Variants in NCKAP5 observed in about 807,000 individuals in gnomAD.
NCKAP5 encodes the protein NCK associated protein 5, also known as nck-associated protein 5.
A neutral mutation model predicts 167.0 loss-of-function variants in NCKAP5; 92 were observed. That is an observed-to-expected ratio of 0.55 (90% CI 0.47 to 0.66). The LOEUF is 0.66. NCKAP5 is among the 30% of genes least tolerant of loss of function. The probability of loss-of-function intolerance (pLI) is 0.00; values close to 1 mark genes in which losing one functional copy is unlikely to be tolerated. For synonymous variants in NCKAP5, 891 were observed against 877.4 expected, an observed-to-expected ratio of 1.02 and a Z score of -0.27; for missense variants, 2,378 against 2,315.0, an observed-to-expected ratio of 1.03 and a Z score of -0.56.
At chr2:132,975,447 T>C (rs552330423) in intron 7 of NCKAP5, among the ~76,000 whole-genome samples, 3 of 152,316 alleles carry the variant, frequency 2.0e-5, no homozygotes, top group East Asian at 3.9e-4. Context: ...GGAGTTACAC[T>C]AATAAATTTT....
At position 133,052,247 on chromosome 2, in the gene NCKAP5, G is replaced by A. The variant is rs143623173; in HGVS notation, c.342-58008C>T. Among the ~76,000 whole-genome samples the A allele has an allele frequency of 2.3e-3, 346 of 152,176 alleles. 1 individual carries two copies. The highest frequency in any genetic ancestry group is 4.4e-3 in the Admixed American group (68 of 15,284). On this transcript the variant is annotated intron_variant, in intron 6 of 19. Transcript: ENST00000409261. ...TACAGTAGCCAAATTAGGAAACCAC[G>A]GACTATCATCACGTAACAGAACTCA...
At chr2:133,227,913 A>G (rs1479370193) in intron 4 of NCKAP5, among the ~76,000 whole-genome samples, 1 of 152,230 alleles carries the variant, frequency 6.6e-6, no homozygotes, top group African/African-American at 2.4e-5. Context: ...CTGAACCACC[A>G]AACTCTAGGA....
At chr2:133,470,794 C>CTT (rs1308537522) in intron 3 of NCKAP5, among the ~76,000 whole-genome samples, 1 of 152,238 alleles carries the variant, frequency 6.6e-6, no homozygotes, top group Non-Finnish European at 1.5e-5. Context: ...TCCGTCACCC[C>CTT]TTTCTTTGAC....
chr2:132,990,361 C>T (rs567741277), intron 7 of NCKAP5, among the ~76,000 whole-genome samples: 1 of 152,316 alleles, frequency 6.6e-6, no homozygotes, highest in African/African-American at 2.4e-5. Context: ...CAGGAAAAGA[C>T]CTGTGTCAGG....
At chr2:133,120,376 T>C (rs372575065) in intron 6 of NCKAP5, among the ~76,000 whole-genome samples, 2 of 152,210 alleles carry the variant, frequency 1.3e-5, no homozygotes, top group African/African-American at 4.8e-5. Context: ...TCCCAAAGAA[T>C]GGTTCCAACT....
the NCKAP5 span, among the ~76,000 whole-genome samples, chr2:133,604,549 C>G: frequency 6.6e-6 from 1 of 152,036 alleles, no homozygotes; most frequent in Non-Finnish European, 1.5e-5. Context: ...GGGAATTCTA[C>G]TGTTTATTCT....
intron 8 of NCKAP5, among the ~76,000 whole-genome samples, chr2:132,911,724 A>G (rs1391627545): frequency 6.6e-6 from 1 of 152,218 alleles, no homozygotes; most frequent in Admixed American, 6.5e-5. Context: ...TGTGAACTCC[A>G]TAAGCAGAGA....
intron 3 of NCKAP5, among the ~76,000 whole-genome samples, chr2:133,500,899 G>A (rs1299410678): frequency 1.3e-5 from 2 of 152,124 alleles, no homozygotes. Context: ...ACAACACAGG[G>A]AAGGGGTCCC....
intron 3 of NCKAP5, among the ~76,000 whole-genome samples, chr2:133,450,091 C>A (rs897906701): frequency 6.6e-6 from 1 of 152,136 alleles, no homozygotes; most frequent in Non-Finnish European, 1.5e-5. Context: ...TGAGGCAATA[C>A]AGGCCAAGTT....
intron 11 of NCKAP5, among the ~76,000 whole-genome samples, chr2:132,847,569 C>G (rs1019151458): frequency 6.6e-6 from 1 of 152,126 alleles, no homozygotes; most frequent in Non-Finnish European, 1.5e-5. Flanking sequence ...TGCATTAGTA[C>G]GCCAAATCCC....
At chr2:133,566,345 G>T (rs914731524) in intron 1 of NCKAP5, among the ~76,000 whole-genome samples, 1 of 152,168 alleles carries the variant, frequency 6.6e-6, no homozygotes, top group African/African-American at 2.4e-5. Context: ...ATCACCTCAG[G>T]TATCCCAGCC....
At chr2:133,185,774 T>C (rs1377887687) in intron 5 of NCKAP5, among the ~76,000 whole-genome samples, 1 of 152,100 alleles carries the variant, frequency 6.6e-6, no homozygotes, top group Non-Finnish European at 1.5e-5. Context: ...ATATTATTAG[T>C]GTAAAGAAAT....
At chr2:133,390,547 C>A (rs1450799379) in intron 3 of NCKAP5, among the ~76,000 whole-genome samples, 1 of 152,202 alleles carries the variant, frequency 6.6e-6, no homozygotes, top group Non-Finnish European at 1.5e-5. Flanking sequence ...TAATTTTCCT[C>A]TTTTTCTAAA....
chr2:133,603,667 T>C, the NCKAP5 span, among the ~76,000 whole-genome samples: 1 of 152,206 alleles, frequency 6.6e-6, no homozygotes, highest in Non-Finnish European at 1.5e-5. Flanking sequence ...GCCTCCCCAG[T>C]AGCTGGGATT....
At chr2:132,788,021 C>T (rs1483918167) in intron 13 of NCKAP5, among the ~76,000 whole-genome samples, 1 of 152,208 alleles carries the variant, frequency 6.6e-6, no homozygotes, top group Non-Finnish European at 1.5e-5. Context: ...AGGGCCCAGG[C>T]TCTCTGCCTG....
At chr2:133,265,438 C>A (rs1357533068) in intron 4 of NCKAP5, among the ~76,000 whole-genome samples, 2 of 152,120 alleles carry the variant, frequency 1.3e-5, no homozygotes, top group African/African-American at 2.4e-5. Context: ...GAAGGCCTGC[C>A]ACCCGGGAGG....
intron 6 of NCKAP5, among the ~76,000 whole-genome samples, chr2:133,126,909 C>T (rs1283389391): frequency 6.6e-6 from 1 of 152,056 alleles, no homozygotes; most frequent in Admixed American, 6.6e-5. Flanking sequence ...TATTGTAAAT[C>T]TACCTTTTAT....
chr2:133,558,154 C>T (rs1433869322), intron 2 of NCKAP5: 1 of 152,210 alleles, frequency 6.6e-6, no homozygotes, highest in African/African-American at 2.4e-5. Context: ...GTCTCCCTTT[C>T]GTTTGGCCTG....
Position 132,785,096 on chromosome 2 carries a change from C to T in NCKAP5, c.1715G>A (p.Arg572His), listed in dbSNP as rs565324203. 2.3e-5 allele frequency: 37 copies of T among 1,614,066 alleles called. No homozygotes were observed. Among genetic ancestry groups the T allele is most frequent in the South Asian group, 1.3e-4 (12 of 91,086 alleles). Reference protein sequence around the residue: ...ERGPQGQGHGRMALNLQLSDT... With the variant: ...ERGPQGQGHGHMALNLQLSDT... ...TGAAAGCTGGAGGTTGAGAGCCATG[C>T]GGCCATGGCCTTGGCCCTGTGGGCC... is the stretch of plus-strand genomic sequence containing the variant. Residue 572 changes from arginine (R) to histidine (H), a missense_variant, in exon 14 of 20, where the codon CGC (arginine) becomes CAC (histidine). Around this residue, in one of 3 missense-constraint regions of NCKAP5, gnomAD observed 1,049 missense variants for 1,023.4 expected, o/e 1.02. Coordinates refer to ENST00000409261, the MANE Select transcript of NCKAP5 (RefSeq NM_207363.3).
Sources: allele counts gnomAD v4.1 joint callset (sites outside exome capture counted in the v4.1 genomes callset), GRCh38; gene constraint gnomAD v4.1.1; regional missense constraint gnomAD v4.1.1; transcripts MANE v1.5; gene names NCBI Gene and HGNC (gene_info 2026-07-23, HGNC 2026-07-21).